The following MGA variants were observed in gnomAD, a reference collection of about 807,000 sequenced individuals.
MGA encodes MAX gene-associated protein.
A neutral mutation model predicts 261.1 loss-of-function variants in MGA; 40 were observed. That is an observed-to-expected ratio of 0.15 (90% CI 0.12 to 0.20). The LOEUF is 0.20. Ranked by LOEUF, MGA falls within the 10% of genes least tolerant of loss-of-function variation. The pLI is 1.00. For synonymous variants in MGA, 1,302 were observed against 1,290.6 expected, an observed-to-expected ratio of 1.01 and a Z score of -0.19; for missense variants, 3,397 against 3,630.5, an observed-to-expected ratio of 0.94 and a Z score of 1.65.
chr15:41,764,519 C>G (rs1220829118), intron 22 of MGA, among the ~76,000 whole-genome samples: 1 of 152,116 alleles, frequency 6.6e-6, no homozygotes, highest in Admixed American at 6.5e-5. Context: ...TCCCAAAGTG[C>G]TGGGATTACA....
intron 20 of MGA, among the ~76,000 whole-genome samples, chr15:41,760,960 G>C (rs181915147): frequency 6.6e-6 from 1 of 152,258 alleles, no homozygotes; most frequent in African/African-American, 2.4e-5. Context: ...TAGTAGAGAC[G>C]GGGTTTCTCT....
At chr15:41,665,979 G>A (rs2057712620) in intron 1 of MGA, among the ~76,000 whole-genome samples, 1 of 151,610 alleles carries the variant, frequency 6.6e-6, no homozygotes, top group African/African-American at 2.4e-5. Context: ...GCAGTGATAT[G>A]GTTATGGCTC....
chr15:41,676,928 G>C (rs1378147088), intron 2 of MGA, among the ~76,000 whole-genome samples: 1 of 152,136 alleles, frequency 6.6e-6, no homozygotes, highest in Non-Finnish European at 1.5e-5. Context: ...TTTCCCAGCT[G>C]CTTTCCCCCC....
At chr15:41,745,173 G>T (rs1361353008) in intron 15 of MGA, among the ~76,000 whole-genome samples, 2 of 151,068 alleles carry the variant, frequency 1.3e-5, no homozygotes, top group South Asian at 4.2e-4. Flanking sequence ...GAGCCACAGC[G>T]CCTGGCTGTA....
chr15:41,655,909 T>C (rs917380828), upstream of MGA, among the ~76,000 whole-genome samples: 9 of 152,220 alleles, frequency 5.9e-5, no homozygotes, highest in Admixed American at 1.3e-4. Flanking sequence ...TGTTGGACAC[T>C]GAATCAGTAT....
chr15:41,645,279 C>T lies in MGA; in HGVS notation c.-67-23549C>T, dbSNP rs185800013. 2.6e-5 allele frequency among the ~76,000 whole-genome samples: 4 copies of T among 152,336 alleles called. No homozygotes were observed. The East Asian group carries it at 7.7e-4, about 29-fold the overall frequency. ...TGTTTCTAATTGAGCCTGTTAGTCT[C>T]TTGGAAGGCATTTTAAGAATTCTGT... On this transcript the variant is annotated intron_variant, in intron 1 of 8. Coordinates refer to the MGA transcript ENST00000566718.
chr15:41,631,940 A>G (rs1425537087), intron 1 of MGA, among the ~76,000 whole-genome samples: 1 of 152,146 alleles, frequency 6.6e-6, no homozygotes, highest in Non-Finnish European at 1.5e-5. Context: ...CATTTAGAAA[A>G]AAGATAATTG....
Position 41,736,634 on chromosome 15 carries a change from C to T in MGA, c.4370C>T (p.Ser1457Phe), listed in dbSNP as rs1567054490. The T allele has an allele frequency of 1.9e-6, 3 of 1,613,838 alleles. No individual in the cohort carries two copies. Among genetic ancestry groups the T allele is most frequent in the South Asian group, 1.1e-5 (1 of 91,074 alleles). ...GGTCTGCCTTTTTATGCAGGGCTTT[C>T]TCCTGCAGGGAAGCTTGTGGCCTAT... Residue 1457 changes from serine to phenylalanine, a missense_variant, in exon 13 of 24, where the codon TCT becomes TTT. Transcript: ENST00000219905.
chr15:41,722,119 C>T (rs184365137), intron 9 of MGA, among the ~76,000 whole-genome samples: 232 of 127,058 alleles, frequency 1.8e-3, no homozygotes, highest in African/African-American at 6.2e-3. Flanking sequence ...TTAAAGTAGG[C>T]CAATTTTTTT....
intron 1 of MGA, among the ~76,000 whole-genome samples, chr15:41,651,730 C>T (rs1245805312): frequency 1.4e-5 from 1 of 69,130 alleles, no homozygotes; most frequent in Non-Finnish European, 2.9e-5. Flanking sequence ...CCCTTCTCTT[C>T]TCCCCTTCCC....
rs2063834990 is a variant in MGA at position 41,767,073 on chromosome 15, T to C, written c.8991T>C (p.Ala2997=). The change falls in exon 24 of 24, where the codon GCT becomes GCC. Residue 2997 remains alanine, a synonymous_variant. Transcript: ENST00000219905. ...TGGCCCCTCTAGGTTTAAAAGTAGC[T>C]AATCCTTCCAGTGATGCAGATGGTC... 6.2e-7 allele frequency: 1 copy of C among 1,613,914 alleles called. No individual in the cohort carries two copies. The highest frequency in any genetic ancestry group is 8.5e-7 in the Non-Finnish European group (1 of 1,179,910).
intron 2 of MGA, among the ~76,000 whole-genome samples, chr15:41,678,025 C>T (rs2058473135): frequency 6.6e-6 from 1 of 151,716 alleles, no homozygotes; most frequent in Admixed American, 6.6e-5. Context: ...AAGAGTTTCC[C>T]TTATGTTTCT....
chr15:41,766,477 A>G lies in MGA; in HGVS notation c.8395A>G (p.Ile2799Val), dbSNP rs750247540. 4 of 1,614,038 alleles carry G rather than the reference A, an allele frequency of 2.5e-6. No homozygotes were observed. The highest frequency in any genetic ancestry group is 3.4e-6 in the Non-Finnish European group (4 of 1,179,896). ...GGAACTGAGGAAAGTAACATCAGCT[A>G]TAGAGGAAGCAGCTCTTGATTCCAG... The change falls in exon 24 of 24, where the codon ATA (isoleucine) becomes GTA (valine). Residue 2799 changes from isoleucine (I) to valine (V), a missense_variant. By Grantham distance (29) the Ile-to-Val change is conservative. Coordinates refer to ENST00000219905, the MANE Select transcript of MGA (RefSeq NM_001164273.2).
At position 41,738,758 on chromosome 15, in the gene MGA, G is replaced by A. The variant is rs559461128; in HGVS notation, c.4435-1295G>A. Among the ~76,000 whole-genome samples the A allele has an allele frequency of 7.2e-5, 11 of 152,278 alleles. No individual in the cohort carries two copies. In the South Asian group the frequency reaches 2.3e-3, roughly 32 times the overall value. ...AGCGCAGTCCCAAGGGATCCGGGAG[G>A]GGGTATCTGACCTATTTCTGTATAG... On this transcript the variant is annotated intron_variant, in intron 13 of 23. Transcript: ENST00000219905.
intron 22 of MGA, 112 bp downstream of exon 22, chr15:41,762,474 T>G (rs1380517735): frequency 1.1e-5 from 8 of 711,740 alleles, no homozygotes; most frequent in East Asian, 3.2e-5. Flanking sequence ...TTTTTTTTTT[T>G]TTTTTTTTTT....
chr15:41,636,385 C>G (rs2056707337), intron 1 of MGA, among the ~76,000 whole-genome samples: 1 of 151,600 alleles, frequency 6.6e-6, no homozygotes. Flanking sequence ...CCCCGCCCCC[C>G]AGGTTCAAGC....
intron 9 of MGA, among the ~76,000 whole-genome samples, chr15:41,716,303 A>T (rs1595845399): frequency 6.6e-6 from 1 of 151,998 alleles, no homozygotes; most frequent in South Asian, 2.1e-4. Context: ...AAAAAAAAAA[A>T]ATTAGCCAGG....
In MGA at chr15:41,767,578, T is replaced by C. The variant is rs563260923; in HGVS notation, c.*298T>C. On this transcript the variant is annotated 3_prime_UTR_variant, in exon 24 of 24. Transcript: ENST00000219905. ...CCTCTTACCCAAGGAATTTATAACA[T>C]GACTCTGGCTCCACAGTGGTTTCTA... is the stretch of plus-strand genomic sequence containing the variant. 6 of 362,648 alleles carry C rather than the reference T, an allele frequency of 1.7e-5. No individual in the cohort carries two copies. Among genetic ancestry groups the C allele is most frequent in the South Asian group, 1.2e-4 (2 of 17,208 alleles). 22.5% of individuals were successfully genotyped at this position (362,648 alleles called of 1,614,324 possible).
chr15:41,712,949 C>A (rs184772894), intron 8 of MGA, among the ~76,000 whole-genome samples: 2 of 152,170 alleles, frequency 1.3e-5, no homozygotes, highest in Non-Finnish European at 1.5e-5. Context: ...ATAGTTTTGC[C>A]CATAATTGTC....
Sources: gnomAD v4.1 joint callset for allele counts (sites outside exome capture counted in the v4.1 genomes callset) on GRCh38, gnomAD v4.1.1 for gene constraint, MANE v1.5 for transcripts, NCBI Gene and HGNC (gene_info 2026-07-23, HGNC 2026-07-21) for gene names.